Variants in CDRT4 observed in about 807,000 individuals in gnomAD.
CDRT4 encodes the protein CMT1A duplicated region transcript 4 protein.
For missense variants in CDRT4, 167 were observed against 193.1 expected (o/e 0.87, Z 0.80); for synonymous variants, 64 against 69.6 (o/e 0.92, Z 0.40).
intron 1 of CDRT4, among the ~76,000 whole-genome samples, chr17:15,460,220 T>A (rs1979686334): frequency 6.6e-6 from 1 of 152,202 alleles, no homozygotes; most frequent in Non-Finnish European, 1.5e-5. Flanking sequence ...CCACTGGCCT[T>A]CTTCCAGTTT....
rs1450421829 is a variant in CDRT4, at chr17:15,450,579, T to C, written c.-48+2425A>G. On this transcript the variant is annotated intron_variant, in intron 2 of 3. Transcript: ENST00000619038. The surrounding 1 kb of genome is among the most constrained non-coding windows in gnomAD (Gnocchi z 4.2). Reference sequence around the variant, plus strand: ...TGAGGATTTCTAGTTCCCTTCTTTTTTTTTTTTTATTTCCACACATCCCCA... The same window carrying C: ...TGAGGATTTCTAGTTCCCTTCTTTTCTTTTTTTTATTTCCACACATCCCCA... Among the ~76,000 whole-genome samples, 1 of 152,046 alleles carries C rather than the reference T, an allele frequency of 6.6e-6. No individual in the cohort carries two copies. The highest frequency in any genetic ancestry group is 1.5e-5 in the Non-Finnish European group (1 of 68,018).
At chr17:15,466,216 G>A (rs2954791) in intron 1 of CDRT4, among the ~76,000 whole-genome samples, 10,258 of 152,186 alleles carry the variant, frequency 0.067, 784 homozygotes, top group East Asian at 0.41. Flanking sequence ...CTTAACCTGC[G>A]TCACCTATCT....
At chr17:15,449,629 G>T in intron 2 of CDRT4, among the ~76,000 whole-genome samples, 1 of 151,974 alleles carries the variant, frequency 6.6e-6, no homozygotes, top group East Asian at 1.9e-4. Flanking sequence ...TGTCATGGTG[G>T]GCTTGGGATC....
At chr17:15,447,811 T>G (rs907281806) in intron 2 of CDRT4, among the ~76,000 whole-genome samples, 1 of 152,096 alleles carries the variant, frequency 6.6e-6, no homozygotes, top group African/African-American at 2.4e-5. Flanking sequence ...AGAGGAGAGC[T>G]TTTCAACCTT....
intron 2 of CDRT4, among the ~76,000 whole-genome samples, chr17:15,441,576 CCT>C (rs1392379607): frequency 6.6e-6 from 1 of 152,064 alleles, no homozygotes; most frequent in Non-Finnish European, 1.5e-5. Flanking sequence ...TTTTCATCCC[CCT>C]TTTTCCCTAA....
rs180713487 is a variant in CDRT4 at position 15,443,325 on chromosome 17, G to A, written c.-47-3040C>T. ...GACAGGGCCTCACTCTGTCACTCAG[G>A]CTGGAGTGTAGTGGCACGATCGTAG... On this transcript the variant is annotated intron_variant, in intron 2 of 3. Transcript: ENST00000619038. Among the ~76,000 whole-genome samples, 202 of 150,568 alleles carry A rather than the reference G, an allele frequency of 1.3e-3. 1 individual carries two copies. In the East Asian group the frequency reaches 0.035, roughly 26 times the overall value.
intron 1 of CDRT4, among the ~76,000 whole-genome samples, chr17:15,463,760 C>T (rs1464877819): frequency 6.6e-6 from 1 of 152,152 alleles, no homozygotes; most frequent in African/African-American, 2.4e-5. Flanking sequence ...TCCTTAACAC[C>T]GTCTTCTGAG....
chr17:15,441,532 TG>T (rs1978758842), intron 2 of CDRT4, among the ~76,000 whole-genome samples: 1 of 152,198 alleles, frequency 6.6e-6, no homozygotes. Flanking sequence ...CATTTCTGCA[TG>T]GAACACTCCT....
At chr17:15,444,646 G>C (rs1264221204) in intron 2 of CDRT4, among the ~76,000 whole-genome samples, 2 of 152,116 alleles carry the variant, frequency 1.3e-5, no homozygotes, top group East Asian at 3.9e-4. Context: ...GAGGCCAGGA[G>C]TTCGAGGCCA....
intron 1 of CDRT4, among the ~76,000 whole-genome samples, chr17:15,461,636 G>C (rs1470365105): frequency 6.6e-6 from 1 of 152,184 alleles, no homozygotes; most frequent in Non-Finnish European, 1.5e-5. Flanking sequence ...CAGGTCTCCA[G>C]GTGAAGACCA....
intron 1 of CDRT4, among the ~76,000 whole-genome samples, chr17:15,467,089 TTG>T (rs906046702): frequency 5.3e-5 from 8 of 152,142 alleles, no homozygotes; most frequent in East Asian, 1.9e-4. Flanking sequence ...GGGGTATATT[TTG>T]TGTGTGTGTG....
intron 1 of CDRT4, among the ~76,000 whole-genome samples, chr17:15,462,427 C>CAA (rs55662712): frequency 2.3e-3 from 139 of 59,824 alleles, no homozygotes; most frequent in African/African-American, 5.0e-3. Flanking sequence ...GACTCCATCT[C>CAA]AAAAAAAAAA....
intron 2 of CDRT4, among the ~76,000 whole-genome samples, chr17:15,449,663 A>G (rs1979178529): frequency 6.6e-6 from 1 of 152,160 alleles, no homozygotes; most frequent in Non-Finnish European, 1.5e-5. Flanking sequence ...CACCCAAAAT[A>G]TTGAACTTTG....
Position 15,437,895 on chromosome 17 carries a change from T to A in CDRT4, c.337A>T (p.Thr113Ser), listed in dbSNP as rs980793499. 7 of 1,614,182 alleles carry A rather than the reference T, an allele frequency of 4.3e-6. No homozygotes were observed. Among genetic ancestry groups the A allele is most frequent in the Non-Finnish European group, 5.9e-6 (7 of 1,180,030 alleles). Residue 113 changes from threonine to serine, a missense_variant, in exon 4 of 4, where the codon ACC (threonine) becomes TCC (serine). By Grantham distance (58) the Thr-to-Ser change is moderately conservative. Coordinates refer to ENST00000619038, the MANE Select transcript of CDRT4 (RefSeq NM_001204477.2). Reference protein sequence around the residue: ...GAYSVLAMAPTMIPEPTHLHA... With the variant: ...GAYSVLAMAPSMIPEPTHLHA... ...AAGTGTGTGGGTTCTGGGATCATGG[T>A]AGGAGCCATGGCCAATACCGAATAA...
Position 15,453,059 on chromosome 17 carries a change from C to G in CDRT4, c.-103G>C, listed in dbSNP as rs1979333327. 1 of 152,154 alleles carries G rather than the reference C, an allele frequency of 6.6e-6. No homozygotes were observed. The highest frequency in any genetic ancestry group is 1.5e-5 in the Non-Finnish European group (1 of 68,032). 9.4% of individuals were successfully genotyped at this position (152,154 alleles called of 1,614,324 possible). On this transcript the variant is annotated 5_prime_UTR_variant, in exon 2 of 4. Coordinates refer to ENST00000619038, the MANE Select transcript of CDRT4 (RefSeq NM_001204477.2). ...CAGCTGAAAACTCTCTCTTAAAGTTCCTGGTGCAGCTCATTTCACTGGGTT... is the reference window on the plus strand; with the variant it reads ...CAGCTGAAAACTCTCTCTTAAAGTTGCTGGTGCAGCTCATTTCACTGGGTT...
chr17:15,438,309 T>C (rs1978598244), intron 3 of CDRT4, 109 bp from the exon 4 acceptor site: 7 of 980,490 alleles, frequency 7.1e-6, no homozygotes, highest in Admixed American at 2.6e-5. Context: ...CTCCCTATTT[T>C]GCACCCCTTG....
At chr17:15,453,861 G>A (rs1292835173) in intron 1 of CDRT4, among the ~76,000 whole-genome samples, 1 of 152,168 alleles carries the variant, frequency 6.6e-6, no homozygotes, top group Non-Finnish European at 1.5e-5. Flanking sequence ...TAAAACAGAG[G>A]CAGTAAGAGA....
intron 2 of CDRT4, among the ~76,000 whole-genome samples, chr17:15,448,325 C>T (rs531486498): frequency 6.6e-6 from 1 of 152,308 alleles, no homozygotes; most frequent in African/African-American, 2.4e-5. Flanking sequence ...AAAACACTTT[C>T]CTAACCCTTC....
At chr17:15,454,437 GAGAA>G (rs938871062) in intron 1 of CDRT4, among the ~76,000 whole-genome samples, 2 of 152,158 alleles carry the variant, frequency 1.3e-5, no homozygotes, top group African/African-American at 4.8e-5. Context: ...TCACTGGCAT[GAGAA>G]AGAGTCTACG....
Sources: allele counts gnomAD v4.1 joint callset (sites outside exome capture counted in the v4.1 genomes callset), GRCh38; gene constraint gnomAD v4.1.1; non-coding constraint Gnocchi (gnomAD v3.1); transcripts MANE v1.5; gene names NCBI Gene and HGNC (gene_info 2026-07-23, HGNC 2026-07-21).